TACC2: variants seen among roughly 807,000 people sequenced by gnomAD.
TACC2 encodes the protein transforming acidic coiled-coil containing protein 2.
A neutral mutation model predicts 227.3 loss-of-function variants in TACC2; 137 were observed. The observed-to-expected ratio is 0.60, with a 90% CI of 0.52 to 0.69. The LOEUF (loss-of-function observed/expected upper bound fraction) is 0.69, where lower values mean the gene tolerates loss of function less well. Among genes scored for constraint, TACC2 ranks in the 30% least tolerant of loss-of-function variants. The probability of loss-of-function intolerance (pLI) is 0.00; values close to 1 mark genes in which losing one functional copy is unlikely to be tolerated. For synonymous variants in TACC2, 1,523 were observed against 1,487.5 expected (o/e 1.02, Z -0.55); for missense variants, 3,470 against 3,694.4 (o/e 0.94, Z 1.57).
At chr10:122,248,223 C>G (rs1033770523) in intron 19 of TACC2, 2 of 170,362 alleles carry the variant, frequency 1.2e-5, no homozygotes, top group African/African-American at 4.7e-5. Context: ...ATAGGAGGGC[C>G]CATCCCTCAC....
Position 122,209,074 on chromosome 10 carries a change from C to T in TACC2, c.5972-1323C>T, listed in dbSNP as rs902511355. ...ATTTGGCCAACATTTGCAGCATCTG[C>T]AGCATGTTTGGGAAATAGGAGCAAC... On this transcript the variant is annotated intron_variant, in intron 8 of 22. Transcript: ENST00000369005. The surrounding 1 kb of genome is among the most constrained non-coding windows in gnomAD (Gnocchi z 4.5). Among the ~76,000 whole-genome samples the T allele has an allele frequency of 7.2e-5, 11 of 152,196 alleles. No individual in the cohort carries two copies. Among genetic ancestry groups the T allele is most frequent in the Non-Finnish European group, 1.3e-4 (9 of 68,032 alleles).
intron 3 of TACC2, among the ~76,000 whole-genome samples, chr10:122,065,451 T>A (rs1231404876): frequency 1.3e-5 from 2 of 152,250 alleles, no homozygotes; most frequent in African/African-American, 4.8e-5. Flanking sequence ...GATATCTTTC[T>A]GTTATTGATT....
chr10:122,201,831 G>T lies in TACC2; in HGVS notation c.5971+6655G>T, dbSNP rs138098513. 1.7e-4 allele frequency among the ~76,000 whole-genome samples: 26 copies of T among 152,308 alleles called. No homozygotes were observed. The East Asian group carries it at 5.0e-3, about 29-fold the overall frequency. On this transcript the variant is annotated intron_variant, in intron 8 of 22. Transcript: ENST00000369005. The stretch of plus-strand genomic sequence containing the variant: ...TAGAAAAATAGTAACATTGTGGGGG[G>T]TGGTACTAGAGACAGTGACAGCGAG...
intron 8 of TACC2, among the ~76,000 whole-genome samples, chr10:122,204,272 G>A (rs1185987695): frequency 6.6e-6 from 1 of 152,154 alleles, no homozygotes; most frequent in Non-Finnish European, 1.5e-5. Context: ...CTCATTTCAT[G>A]CCTGCTTATA....
intron 16 of TACC2, among the ~76,000 whole-genome samples, chr10:122,233,872 A>G (rs1282514786): frequency 6.6e-6 from 1 of 152,094 alleles, no homozygotes; most frequent in Admixed American, 6.5e-5. Flanking sequence ...CCTCCCCATG[A>G]TCACCGCTCC....
Position 122,210,947 on chromosome 10 carries a change from A to C in TACC2, c.6522A>C (p.Lys2174Asn), listed in dbSNP as rs775575434. ...GGGAGAATCTAGCATCTGAGACGAA[A>C]ACGGAATCTGCCAAGACGGAAGGTC... The part of the protein sequence containing the change: ...PSGENLASET[K>N]TESAKTEGPS... The change falls in exon 9 of 23, where the codon AAA becomes AAC. Residue 2174 changes from lysine to asparagine, a missense_variant. Physicochemically the swap from Lys to Asn is moderately conservative, Grantham distance 94 (BLOSUM62 0). Coordinates refer to ENST00000369005, the MANE Select transcript of TACC2 (RefSeq NM_206862.4). This position sits in a 1 kb window ranked among gnomAD's most constrained non-coding sequence, Gnocchi z 4.6. The C allele has an allele frequency of 5.1e-5, 82 of 1,613,780 alleles. No individual in the cohort carries two copies. The highest frequency in any genetic ancestry group is 6.7e-5 in the Non-Finnish European group (79 of 1,179,984).
At chr10:122,111,408 T>C (rs1441226891) in intron 5 of TACC2, among the ~76,000 whole-genome samples, 1 of 152,232 alleles carries the variant, frequency 6.6e-6, no homozygotes, top group African/African-American at 2.4e-5. Context: ...TCTTAGCTCG[T>C]TGCCCAGTTG....
intron 16 of TACC2, among the ~76,000 whole-genome samples, chr10:122,236,221 C>T (rs796965663): frequency 6.6e-6 from 1 of 152,154 alleles, no homozygotes; most frequent in Non-Finnish European, 1.5e-5. Context: ...AATGTTGGCT[C>T]TTTAATCTTA....
Position 122,084,595 on chromosome 10 carries a change from G to A in TACC2, c.2095G>A (p.Asp699Asn). Residue 699 changes from aspartate (D) to asparagine (N), a missense_variant, in exon 4 of 23, where the codon GAC becomes AAC. Physicochemically the swap from Asp to Asn is conservative, Grantham distance 23. This residue lies in a region of TACC2 where 1,924 missense variants were observed against 1,978.3 expected (regional missense o/e 0.97). Transcript: ENST00000369005. ...GTCAGGATTGCAGCCCAAATGTCCT[G>A]ACACCCTTCAGAGCAGGGAAGGATT... ...EGSGLQPKCP[D>N]TLQSREGLGR... The A allele has an allele frequency of 6.2e-7, 1 of 1,613,876 alleles. No homozygotes were observed. The highest frequency in any genetic ancestry group is 8.5e-7 in the Non-Finnish European group (1 of 1,180,032).
rs72840870 is a variant in TACC2, at chr10:122,186,864, A to G, written c.5835-8176A>G. Among the ~76,000 whole-genome samples, 1,397 of 152,328 alleles carry G rather than the reference A, an allele frequency of 9.2e-3. 9 individuals carry two copies. The highest frequency in any genetic ancestry group is 0.017 in the Middle Eastern group (5 of 294). On this transcript the variant is annotated intron_variant, in intron 7 of 22. Transcript: ENST00000369005. ...AAGTTAATCAAGGAGTTTAGCTACA[A>G]AGAGATTTTGGGGAGATCTGTGTGC... is the stretch of plus-strand genomic sequence containing the variant.
intron 1 of TACC2, among the ~76,000 whole-genome samples, chr10:121,992,096 G>A (rs1199922955): frequency 6.6e-6 from 1 of 152,126 alleles, no homozygotes; most frequent in Non-Finnish European, 1.5e-5. Flanking sequence ...ATCCGGGTGG[G>A]GACACAGCCA....
chr10:122,226,624 A>C lies in TACC2; in HGVS notation c.7724+143A>C, dbSNP rs559736424. The C allele has an allele frequency of 2.7e-5, 17 of 622,240 alleles. No homozygotes were observed. In the South Asian group the frequency reaches 3.2e-4, roughly 12 times the overall value. 38.5% of individuals were successfully genotyped at this position (622,240 alleles called of 1,614,324 possible). A position where few individuals can be genotyped will look rare whatever the true frequency, so the allele number is the denominator to read the frequency against. On this transcript the variant is annotated intron_variant, in intron 13 of 22. Transcript: ENST00000369005. Reference sequence around the variant, plus strand: ...CACATATTTTTTTTTTTTTTAATAGAGACAGAGTCTCACCATGATGCCCAG... The same window carrying C: ...CACATATTTTTTTTTTTTTTAATAGCGACAGAGTCTCACCATGATGCCCAG...
chr10:122,063,614 C>T (rs527957956), intron 3 of TACC2, among the ~76,000 whole-genome samples: 2 of 152,042 alleles, frequency 1.3e-5, no homozygotes, highest in Admixed American at 6.6e-5. Flanking sequence ...TGGAACATAG[C>T]GAAGAGTGCA....
intron 3 of TACC2, among the ~76,000 whole-genome samples, chr10:122,064,289 G>C (rs1456058659): frequency 6.6e-6 from 1 of 152,096 alleles, no homozygotes; most frequent in Non-Finnish European, 1.5e-5. Flanking sequence ...TATTACAAAA[G>C]AGTTCCCATG....
chr10:122,159,296 G>T (rs1471777703), intron 7 of TACC2, among the ~76,000 whole-genome samples: 1 of 152,244 alleles, frequency 6.6e-6, no homozygotes, highest in Non-Finnish European at 1.5e-5. Context: ...TGATGCGGCA[G>T]TGTGTCCTTT....
At chr10:122,199,120 G>T (rs1169181039) in intron 8 of TACC2, among the ~76,000 whole-genome samples, 1 of 152,234 alleles carries the variant, frequency 6.6e-6, no homozygotes, top group Non-Finnish European at 1.5e-5. Context: ...GGTAATGGGG[G>T]CCTCCCTGTG....
chr10:122,084,583 C>T lies in TACC2; in HGVS notation c.2083C>T (p.Pro695Ser). ...GAIWEGSGLQPKCPDTLQSRE... is the reference protein window; with the variant it reads ...GAIWEGSGLQSKCPDTLQSRE... ...CATCTGGGAGGGGTCAGGATTGCAGCCCAAATGTCCTGACACCCTTCAGAG... is the reference window on the plus strand; with the variant it reads ...CATCTGGGAGGGGTCAGGATTGCAGTCCAAATGTCCTGACACCCTTCAGAG... Residue 695 changes from proline (P) to serine (S), a missense_variant, in exon 4 of 23, where the codon CCC becomes TCC. By Grantham distance (74) the Pro-to-Ser change is moderately conservative. Transcript: ENST00000369005. The T allele has an allele frequency of 6.2e-7, 1 of 1,613,798 alleles. No individual in the cohort carries two copies. The highest frequency in any genetic ancestry group is 8.5e-7 in the Non-Finnish European group (1 of 1,180,030).
In TACC2 at chr10:122,090,533, T is replaced by C. The variant is rs1288364103; in HGVS notation, c.5573+1942T>C. ...CTGCACTCCAGCCTGGGTGACAGAG[T>C]GAGACTCTATCTCAAAAAAAAAAAA... On this transcript the variant is annotated intron_variant, in intron 5 of 22. Coordinates refer to ENST00000369005, the MANE Select transcript of TACC2 (RefSeq NM_206862.4). Among the ~76,000 whole-genome samples the C allele has an allele frequency of 1.7e-3, 190 of 113,946 alleles. 1 individual carries two copies. The highest frequency in any genetic ancestry group is 6.1e-3 in the African/African-American group (173 of 28,550). The allele number at this position is 113,946 out of a possible 152,430, so 74.8% of individuals were successfully genotyped here.
intron 7 of TACC2, among the ~76,000 whole-genome samples, chr10:122,179,941 G>C (rs1000531789): frequency 2.0e-5 from 3 of 151,914 alleles, no homozygotes; most frequent in Non-Finnish European, 4.4e-5. Context: ...AAATATAGCC[G>C]GGAGTGGTGG....
Sources: allele counts gnomAD v4.1 joint callset (sites outside exome capture counted in the v4.1 genomes callset), GRCh38; gene constraint gnomAD v4.1.1; regional missense constraint gnomAD v4.1.1; non-coding constraint Gnocchi (gnomAD v3.1); transcripts MANE v1.5; gene names NCBI Gene and HGNC (gene_info 2026-07-23, HGNC 2026-07-21).